The following BEND3 variants were observed in gnomAD, a reference collection of about 807,000 sequenced individuals.
BEND3 encodes the protein BEN domain-containing protein 3.
A neutral mutation model predicts 60.1 loss-of-function variants in BEND3; 13 were observed. The observed-to-expected ratio is 0.22, with a 90% CI of 0.14 to 0.34. The LOEUF (loss-of-function observed/expected upper bound fraction) is 0.34. Among genes scored for constraint, BEND3 ranks in the 10% least tolerant of loss-of-function variants. BEND3 has a pLI of 1.00. For synonymous variants in BEND3, 497 were observed against 491.5 expected, an observed-to-expected ratio of 1.01 and a Z score of -0.15; for missense variants, 896 against 1,138.1, an observed-to-expected ratio of 0.79 and a Z score of 3.06.
At chr6:107,102,397 G>A (rs1775720539) in intron 1 of BEND3, among the ~76,000 whole-genome samples, 1 of 152,168 alleles carries the variant, frequency 6.6e-6, no homozygotes, top group Non-Finnish European at 1.5e-5. Flanking sequence ...CCCTACAGCA[G>A]GCAATTTGGC....
chr6:107,096,894 A>G lies in BEND3; in HGVS notation c.240+1657T>C, dbSNP rs190506359. ...CAGACCACTTGAGGTCTGGAGTTTG[A>G]GACCAGCCTGGACCAACACTGCAGA... On this transcript the variant is annotated intron_variant, in intron 3 of 3. Coordinates refer to ENST00000369042, the MANE Select transcript of BEND3 (RefSeq NM_001367314.1). 1.6e-4 allele frequency among the ~76,000 whole-genome samples: 25 copies of G among 152,290 alleles called. No individual in the cohort carries two copies. In the East Asian group the frequency reaches 4.8e-3, roughly 29 times the overall value.
In BEND3 at chr6:107,112,869, A is replaced by G. The variant is rs578155542; in HGVS notation, c.-12+2221T>C. On this transcript the variant is annotated intron_variant, in intron 1 of 3. Coordinates refer to ENST00000369042, the MANE Select transcript of BEND3 (RefSeq NM_001367314.1). ...ACTCTGTCTCAAGAAAAAAAAAAAA[A>G]AAAGAAAGGCTGGGCGCGGTGGCTC... 3.0e-4 allele frequency among the ~76,000 whole-genome samples: 45 copies of G among 151,912 alleles called. 1 individual carries two copies. The South Asian group carries it at 7.7e-3, about 26-fold the overall frequency.
At chr6:107,096,400 T>A (rs1319830430) in intron 3 of BEND3, among the ~76,000 whole-genome samples, 1 of 152,104 alleles carries the variant, frequency 6.6e-6, no homozygotes, top group Non-Finnish European at 1.5e-5. Context: ...TTACGTGAGG[T>A]CAGGAGTTTG....
At chr6:107,091,954 C>G (rs1775485474) in intron 3 of BEND3, among the ~76,000 whole-genome samples, 1 of 152,090 alleles carries the variant, frequency 6.6e-6, no homozygotes, top group Admixed American at 6.6e-5. Context: ...ACGTGGCCAG[C>G]CTCACATTAA....
intron 3 of BEND3, among the ~76,000 whole-genome samples, chr6:107,076,507 G>A (rs1775103239): frequency 6.6e-6 from 1 of 152,300 alleles, no homozygotes; most frequent in South Asian, 2.1e-4. Flanking sequence ...CAAGTGAGGG[G>A]TAAATAGACT....
chr6:107,091,391 A>T (rs1775471902), intron 3 of BEND3, among the ~76,000 whole-genome samples: 1 of 152,186 alleles, frequency 6.6e-6, no homozygotes, highest in Non-Finnish European at 1.5e-5. Flanking sequence ...TTCTCTGAAA[A>T]GATCAGTAAA....
In BEND3 at chr6:107,068,858, C is replaced by T. The variant is rs373817229; in HGVS notation, c.2333G>A (p.Arg778Gln). 3 of 1,613,258 alleles carry T rather than the reference C, an allele frequency of 1.9e-6. No individual in the cohort carries two copies. Among genetic ancestry groups the T allele is most frequent in the African/African-American group, 2.7e-5 (2 of 74,778 alleles). The change falls in exon 4 of 4, where the codon CGG (arginine) becomes CAG (glutamine). Residue 778 changes from arginine (R) to glutamine (Q), a missense_variant. Transcript: ENST00000369042. This position sits in a 1 kb window ranked among gnomAD's most constrained non-coding sequence, Gnocchi z 5.8. ...GGCTTCCACGTAGTGGCGGATGAGC[C>T]GCAGCCGCGTGGGGTCCAGTTGCTT... ...NKKQLDPTRL[R>Q]LIRHYVEAVY...
intron 3 of BEND3, among the ~76,000 whole-genome samples, chr6:107,088,474 AAGAGGT>A (rs1775403446): frequency 1.3e-5 from 2 of 152,224 alleles, no homozygotes; most frequent in Non-Finnish European, 2.9e-5. Flanking sequence ...CCACAGATCT[AAGAGGT>A]TCAGAGAATA....
At position 107,069,987 on chromosome 6, in the gene BEND3, C is replaced by CA; in HGVS notation, c.1203_1204insT (p.Asp402Ter). 6.2e-7 allele frequency: 1 copy of CA among 1,613,740 alleles called. No individual in the cohort carries two copies. The highest frequency in any genetic ancestry group is 8.5e-7 in the Non-Finnish European group (1 of 1,180,008). On this transcript the variant is annotated frameshift_variant, in exon 4 of 4. Transcript: ENST00000369042. LOFTEE classifies it high-confidence loss of function. ...AACTCGCCTGGTGAGGAGGCTTCGT[C>CA]CAGGAACTCAGTGAGGTCCTGCGTG...
intron 1 of BEND3, among the ~76,000 whole-genome samples, chr6:107,112,879 C>T (rs1413953183): frequency 6.6e-6 from 1 of 150,704 alleles, no homozygotes; most frequent in African/African-American, 2.4e-5. Context: ...AAAAGAAAGG[C>T]TGGGCGCGGT....
intron 3 of BEND3, among the ~76,000 whole-genome samples, chr6:107,081,033 C>G (rs1323263245): frequency 1.3e-5 from 2 of 152,112 alleles, no homozygotes; most frequent in African/African-American, 4.8e-5. Flanking sequence ...AGGATCATTG[C>G]AGCCTCAACC....
In BEND3 at chr6:107,101,970, T is replaced by C. The variant is rs9320202; in HGVS notation, c.-11-2674A>G. ...AGGCGGACATACTTTACAAAACAAA[T>C]TACATTTGGCAGAGAAAAGGCAGAG... On this transcript the variant is annotated intron_variant, in intron 1 of 3. Transcript: ENST00000369042. 4.8e-3 allele frequency among the ~76,000 whole-genome samples: 737 copies of C among 152,126 alleles called. 4 individuals carry two copies. The highest frequency in any genetic ancestry group is 0.017 in the African/African-American group (699 of 41,508).
At chr6:107,078,069 T>C (rs1440813040) in intron 3 of BEND3, among the ~76,000 whole-genome samples, 1 of 152,252 alleles carries the variant, frequency 6.6e-6, no homozygotes, top group African/African-American at 2.4e-5. Flanking sequence ...ATCTGCTGTA[T>C]TTGGCTACGA....
Position 107,070,141 on chromosome 6 carries a change from G to A in BEND3, c.1050C>T (p.Pro350=). ...CAAAGAAGCTGGCGACCTGGCCGCTGGGCTGGCTGTCCTCCATTTCCCGCT... is the reference window on the plus strand; with the variant it reads ...CAAAGAAGCTGGCGACCTGGCCGCTAGGCTGGCTGTCCTCCATTTCCCGCT... ...WAQREMEDSQ[P]SGQVASFFEA... is the part of the protein sequence containing the mutation. The change falls in exon 4 of 4, where the codon CCC becomes CCT. Residue 350 remains proline, a synonymous_variant. Transcript: ENST00000369042. This position sits in a 1 kb window ranked among gnomAD's most constrained non-coding sequence, Gnocchi z 6.9. 1 of 1,613,082 alleles carries A rather than the reference G, an allele frequency of 6.2e-7. No homozygotes were observed. Among genetic ancestry groups the A allele is most frequent in the Non-Finnish European group, 8.5e-7 (1 of 1,179,994 alleles).
intron 1 of BEND3, among the ~76,000 whole-genome samples, chr6:107,111,803 G>A (rs1428806604): frequency 6.6e-6 from 1 of 151,936 alleles, no homozygotes; most frequent in African/African-American, 2.4e-5. Context: ...CCAATAAGGT[G>A]AAACCCCATC....
intron 3 of BEND3, among the ~76,000 whole-genome samples, chr6:107,094,818 CTTTTTT>C (rs60923094): frequency 1.1e-4 from 7 of 61,988 alleles, no homozygotes; most frequent in Non-Finnish European, 2.2e-4. Context: ...ATGTCACTGC[CTTTTTT>C]TTTTTTTTTT....
At chr6:107,110,980 A>G (rs2115041050) in intron 1 of BEND3, among the ~76,000 whole-genome samples, 1 of 152,100 alleles carries the variant, frequency 6.6e-6, no homozygotes, top group Admixed American at 6.5e-5. Context: ...CCTGGCCAAC[A>G]TGGTGAAACC....
At chr6:107,072,843 C>T (rs147350744) in intron 3 of BEND3, among the ~76,000 whole-genome samples, 89 of 151,944 alleles carry the variant, frequency 5.9e-4, no homozygotes, top group Non-Finnish European at 1.1e-3. Flanking sequence ...AAAAAATTAG[C>T]CTGGCACAGT....
chr6:107,094,451 G>A (rs1024407856), intron 3 of BEND3, among the ~76,000 whole-genome samples: 5 of 151,786 alleles, frequency 3.3e-5, no homozygotes, highest in Non-Finnish European at 4.4e-5. Context: ...GAGAAACCCC[G>A]TCTCTGCTTA....
Sources: allele counts gnomAD v4.1 joint callset (sites outside exome capture counted in the v4.1 genomes callset), GRCh38; gene constraint gnomAD v4.1.1; non-coding constraint Gnocchi (gnomAD v3.1); transcripts MANE v1.5; gene names NCBI Gene and HGNC (gene_info 2026-07-23, HGNC 2026-07-21).